MIB2: variants seen among roughly 807,000 people sequenced by gnomAD.
The protein encoded by MIB2 is E3 ubiquitin-protein ligase MIB2.
Under a neutral mutation model 96.6 loss-of-function variants are expected in MIB2, and 78 were observed. The observed-to-expected ratio is 0.81, with a 90% CI of 0.67 to 0.97. The LOEUF (loss-of-function observed/expected upper bound fraction) is 0.97. MIB2 is among the 50% of genes least tolerant of loss of function. The pLI is 0.00. For missense variants in MIB2, 1,543 were observed against 1,424.0 expected, an observed-to-expected ratio of 1.08 and a Z score of -1.35; for synonymous variants, 820 against 629.5, an observed-to-expected ratio of 1.30 and a Z score of -4.53.
intron 2 of MIB2, chr1:1,617,747 G>C (rs1052016968): frequency 6.6e-6 from 1 of 152,154 alleles, no homozygotes; most frequent in Non-Finnish European, 1.5e-5. Context: ...CACATCTGTC[G>C]ATCTGTCGCC....
At chr1:1,629,102 C>T (rs2100567626) in intron 16 of MIB2, 31 bp from the exon 17 acceptor site, 2 of 1,419,036 alleles carry the variant, frequency 1.4e-6, no homozygotes, top group Non-Finnish European at 1.8e-6. Flanking sequence ...CCCCGGCGCC[C>T]GCCCTCACCG....
intron 2 of MIB2, chr1:1,619,307 G>A (rs61774905): frequency 0.01 from 1,554 of 152,408 alleles, 18 homozygotes; most frequent in Non-Finnish European, 0.019. Context: ...CTTGGGAGGC[G>A]GAGCTTGCAG....
intron 19 of MIB2, 69 bp downstream of exon 19, chr1:1,629,773 C>A: frequency 6.9e-7 from 1 of 1,439,104 alleles, no homozygotes; most frequent in South Asian, 1.4e-5. Context: ...CCGTCCCCCA[C>A]CCCTTCCCTC....
rs777425183 is a variant in MIB2, at chr1:1,629,154, G to T, written c.2224G>T (p.Gly742Cys). The change falls in exon 17 of 20, where the codon GGC becomes TGC. Residue 742 changes from glycine (G) to cysteine (C), a missense_variant. Coordinates refer to ENST00000355826, the MANE Select transcript of MIB2 (RefSeq NM_001170687.4). Reference sequence around the variant, plus strand: ...CCAGCTACAGGCCTCGGGCCTCCCCGGCAGCGCGGAGCTGACGGTGGGCGC... The same window carrying T: ...CCAGCTACAGGCCTCGGGCCTCCCCTGCAGCGCGGAGCTGACGGTGGGCGC... ...LSRLQASGLP[G>C]SAELTVGAAV... The T allele has an allele frequency of 1.3e-6, 2 of 1,499,332 alleles. No individual in the cohort carries two copies. The highest frequency in any genetic ancestry group is 1.8e-6 in the Non-Finnish European group (2 of 1,132,708). 92.9% of individuals were successfully genotyped at this position (1,499,332 alleles called of 1,614,324 possible).
At position 1,615,708 on chromosome 1, in the gene MIB2, G is replaced by A. The variant is rs1643547694; in HGVS notation, c.-130+75G>A. 6.0e-6 allele frequency: 9 copies of A among 1,502,986 alleles called. No homozygotes were observed. In the East Asian group the frequency reaches 1.1e-4, roughly 18 times the overall value. The allele number at this position is 1,502,986 out of a possible 1,614,324, so 93.1% of individuals were successfully genotyped here. The stretch of plus-strand genomic sequence containing the variant: ...GTCGTTCTCCGCTCTGGCAGAACGC[G>A]AGCGCCGTCCGGTTCCCGCTCCCGC... On this transcript the variant is annotated intron_variant, in intron 1 of 19. Transcript: ENST00000355826.
In MIB2 at chr1:1,625,731, C is replaced by T. The variant is rs1211894361; in HGVS notation, c.972+78C>T. The T allele has an allele frequency of 1.4e-5, 17 of 1,227,778 alleles. No individual in the cohort carries two copies. The highest frequency in any genetic ancestry group is 2.3e-6 in the Non-Finnish European group (2 of 864,704). The allele number at this position is 1,227,778 out of a possible 1,614,324, so 76.1% of individuals were successfully genotyped here. On this transcript the variant is annotated intron_variant, in intron 8 of 19. Transcript: ENST00000355826. The surrounding 1 kb of genome is among the most constrained non-coding windows in gnomAD (Gnocchi z 5.0). ...ACGTACCCCCTTGGCCTTGGGGGGT[C>T]AGGCAGGACTAGGGTGCCAGCTGCA...
At position 1,625,850 on chromosome 1, in the gene MIB2, AGAG is replaced by A. The variant is rs1327527092; in HGVS notation, c.972+202_972+204del. ...GAGGGGGTTGGGTGTGAAGGAACCC[AGAG>A]GAGGGTATGTCTCTGGGAGCTGGAA... is the stretch of plus-strand genomic sequence containing the variant. On this transcript the variant is annotated intron_variant, in intron 8 of 19. Coordinates refer to ENST00000355826, the MANE Select transcript of MIB2 (RefSeq NM_001170687.4). This position sits in a 1 kb window ranked among gnomAD's most constrained non-coding sequence, Gnocchi z 5.0. 1.0e-5 allele frequency: 6 copies of A among 592,526 alleles called. No homozygotes were observed. Among genetic ancestry groups the A allele is most frequent in the African/African-American group, 1.9e-5 (1 of 53,546 alleles). The allele number at this position is 592,526 out of a possible 1,614,324, so 36.7% of individuals were successfully genotyped here.
rs775579275 is a variant in MIB2 at position 1,626,722 on chromosome 1, G to A, written c.1045G>A (p.Gly349Arg). The A allele has an allele frequency of 1.1e-5, 18 of 1,600,676 alleles. No individual in the cohort carries two copies. The African/African-American group carries it at 2.1e-4, about 19-fold the overall frequency. ...DLDTVKRLQA[G>R]HGEWTDDMAP... ...TGACACAGTGAAGCGGCTGCAGGCT[G>A]GGCATGGCGAGTGGACGGACGACAT... is the stretch of plus-strand genomic sequence containing the variant. The change falls in exon 9 of 20, where the codon GGG becomes AGG. Residue 349 changes from glycine to arginine, a missense_variant. Transcript: ENST00000355826. This position sits in a 1 kb window ranked among gnomAD's most constrained non-coding sequence, Gnocchi z 5.3.
At chr1:1,629,087 G>A (rs1381186087) in intron 16 of MIB2, 46 bp from the exon 17 acceptor site, 1 of 1,400,972 alleles carries the variant, frequency 7.1e-7, no homozygotes, top group Non-Finnish European at 9.2e-7. Flanking sequence ...CCTCCCTCGG[G>A]CCTGCCCCGG....
intron 1 of MIB2, chr1:1,616,181 CG>C: frequency 1.2e-6 from 1 of 864,682 alleles, no homozygotes; most frequent in Non-Finnish European, 1.4e-6. Context: ...TGACAGGGGG[CG>C]GGGCGCGCTC....
intron 2 of MIB2, among the ~76,000 whole-genome samples, chr1:1,622,293 G>A (rs1035240917): frequency 6.6e-5 from 10 of 152,260 alleles, no homozygotes; most frequent in Non-Finnish European, 1.5e-5. Flanking sequence ...GTGTAGTGGT[G>A]CGATCACAGC....
At chr1:1,624,716 C>T (rs1644573399) in intron 4 of MIB2, 79 bp from the exon 5 acceptor site, 10 of 1,337,986 alleles carry the variant, frequency 7.5e-6, no homozygotes, top group Non-Finnish European at 1.0e-5. Flanking sequence ...TGCTCCACTG[C>T]ATCGCTCTCC....
rs920670146 is a variant in MIB2 at position 1,629,454 on chromosome 1, G to A, written c.2451G>A (p.Thr817=). Residue 817 remains threonine, a synonymous_variant, in exon 18 of 20, where the codon ACG becomes ACA. Transcript: ENST00000355826. ...CGCTCGGGACCCCCAACACCGTGAC[G>A]AACCTGCACGTGGGCGCCGCGCCGG... ...RQTLGTPNTV[T]NLHVGAAPGP... 2 of 1,520,632 alleles carry A rather than the reference G, an allele frequency of 1.3e-6. No individual in the cohort carries two copies. The highest frequency in any genetic ancestry group is 1.2e-5 in the South Asian group (1 of 83,346). 94.2% of individuals were successfully genotyped at this position (1,520,632 alleles called of 1,614,324 possible).
At position 1,630,539 on chromosome 1, in the gene MIB2, G is replaced by T. The variant is rs1253146092; in HGVS notation, c.*9G>T. The stretch of plus-strand genomic sequence containing the variant: ...TCCAGATCTTCGTGTGAGCCGCGCC[G>T]TCCGCCGCGCCCGAGCTGCCTTCGC... On this transcript the variant is annotated 3_prime_UTR_variant, in exon 20 of 20. Transcript: ENST00000355826. The T allele has an allele frequency of 1.3e-6, 2 of 1,551,404 alleles. No homozygotes were observed. The highest frequency in any genetic ancestry group is 1.7e-6 in the Non-Finnish European group (2 of 1,157,328).
rs1321477523 is a variant in MIB2, at chr1:1,625,790, G to T, written c.972+137G>T. 1.3e-5 allele frequency: 9 copies of T among 713,834 alleles called. No individual in the cohort carries two copies. Among genetic ancestry groups the T allele is most frequent in the Non-Finnish European group, 2.1e-5 (9 of 426,926 alleles). 44.2% of individuals were successfully genotyped at this position (713,834 alleles called of 1,614,324 possible). A position where few individuals can be genotyped will look rare whatever the true frequency, so the allele number is the denominator to read the frequency against. ...TCCCCAGCCCTGAAGGAAGGGGAGG[G>T]ACTGGTGGGTGGAGGTGGGTGGGGT... On this transcript the variant is annotated intron_variant, in intron 8 of 19. Transcript: ENST00000355826. This position sits in a 1 kb window ranked among gnomAD's most constrained non-coding sequence, Gnocchi z 5.0.
upstream of MIB2, chr1:1,615,465 G>A (rs993366249): frequency 1.3e-6 from 2 of 1,516,136 alleles, no homozygotes; most frequent in Non-Finnish European, 8.8e-7. Context: ...TGGCCATGGC[G>A]GGGGCGCTCC....
At chr1:1,630,078 C>T (rs985969267) in intron 19 of MIB2, among the ~76,000 whole-genome samples, 32 of 149,710 alleles carry the variant, frequency 2.1e-4, no homozygotes, top group Non-Finnish European at 1.8e-4. Context: ...TGACTCCAGC[C>T]CGCACACCAC....
At chr1:1,630,263 C>G (rs1435237100) in intron 19 of MIB2, 29 bp from the exon 20 acceptor site, 1 of 1,238,940 alleles carries the variant, frequency 8.1e-7, no homozygotes, top group Non-Finnish European at 1.1e-6. Flanking sequence ...ACCCGGCCTC[C>G]CAGCTCACAC....
intron 4 of MIB2, 80 bp downstream of exon 4, chr1:1,624,025 C>T (rs1032013257): frequency 1.4e-6 from 2 of 1,470,770 alleles, no homozygotes; most frequent in Non-Finnish European, 1.8e-6. Context: ...GGGGAGGGTG[C>T]TGCCTCCTGA....
Sources: gnomAD v4.1 joint callset for allele counts (sites outside exome capture counted in the v4.1 genomes callset) on GRCh38, gnomAD v4.1.1 for gene constraint, Gnocchi (gnomAD v3.1) non-coding constraint, MANE v1.5 for transcripts, NCBI Gene and HGNC (gene_info 2026-07-23, HGNC 2026-07-21) for gene names.